SVIL: variants seen among roughly 807,000 people sequenced by gnomAD.
SVIL encodes the protein archvillin.
Under a neutral mutation model 240.4 loss-of-function variants are expected in SVIL, and 101 were observed. The ratio of observed to expected loss-of-function variants is 0.42; its 90% CI spans 0.36 to 0.50. The LOEUF (loss-of-function observed/expected upper bound fraction) is 0.50, where lower values mean the gene tolerates loss of function less well. Among genes scored for constraint, SVIL ranks in the 20% least tolerant of loss-of-function variants. The pLI, the probability that SVIL is intolerant of heterozygous loss-of-function variation, is 0.01. For synonymous variants in SVIL, 999 were observed against 1,100.0 expected, an observed-to-expected ratio of 0.91 and a Z score of 1.82; for missense variants, 2,512 against 2,818.7, an observed-to-expected ratio of 0.89 and a Z score of 2.46.
At chr10:29,620,682 G>A (rs755836522) in intron 1 of SVIL, among the ~76,000 whole-genome samples, 2 of 152,082 alleles carry the variant, frequency 1.3e-5, no homozygotes, top group African/African-American at 2.4e-5. Flanking sequence ...ACAATGGCAC[G>A]ATCTCAGCTC....
At chr10:29,666,133 G>C (rs188898268) in intron 2 of SVIL, among the ~76,000 whole-genome samples, 51 of 152,232 alleles carry the variant, frequency 3.4e-4, no homozygotes, top group African/African-American at 9.6e-4. Flanking sequence ...GCCCAGGCTG[G>C]TCTCAAACTC....
At chr10:29,647,979 A>AC (rs1958716852) in intron 3 of SVIL, among the ~76,000 whole-genome samples, 1 of 151,440 alleles carries the variant, frequency 6.6e-6, no homozygotes, top group African/African-American at 2.4e-5. Flanking sequence ...ATCAAAAAAA[A>AC]AAAAAACAAA....
intron 1 of SVIL, among the ~76,000 whole-genome samples, chr10:29,583,311 T>C (rs1157549411): frequency 6.6e-6 from 1 of 152,154 alleles, no homozygotes; most frequent in Non-Finnish European, 1.5e-5. Context: ...TATTTTTTAT[T>C]TTTTGAGACA....
intron 12 of SVIL, among the ~76,000 whole-genome samples, chr10:29,527,280 G>A (rs997916805): frequency 7.2e-5 from 11 of 152,128 alleles, no homozygotes; most frequent in African/African-American, 2.4e-4. Context: ...GTAAGAATAG[G>A]TGTTCAGAGC....
intron 34 of SVIL, among the ~76,000 whole-genome samples, chr10:29,464,659 G>A (rs1944675839): frequency 6.6e-6 from 1 of 152,136 alleles, no homozygotes; most frequent in African/African-American, 2.4e-5. Context: ...AACCCGCCCT[G>A]AGCCCCAGGA....
intron 1 of SVIL, among the ~76,000 whole-genome samples, chr10:29,709,659 G>A (rs2132664247): frequency 6.6e-6 from 1 of 152,140 alleles, no homozygotes; most frequent in Non-Finnish European, 1.5e-5. Flanking sequence ...GAATACCCAG[G>A]GGCGTCACCC....
intron 3 of SVIL, among the ~76,000 whole-genome samples, chr10:29,648,892 C>G (rs932594287): frequency 6.6e-6 from 1 of 151,742 alleles, no homozygotes; most frequent in African/African-American, 2.4e-5. Flanking sequence ...ATTCCAAGCA[C>G]TTTAGGAGGC....
Position 29,484,814 on chromosome 10 carries a change from A to G in SVIL, c.4797T>C (p.Phe1599=). ...LQPKEVLVFD[F]GSEVYVWHGK... The stretch of plus-strand genomic sequence containing the variant: ...CATGCCATACGTAAACTTCACTACC[A>G]AAATCAAACACCAGTACCTGGGAGA... The change falls in exon 27 of 38, where the codon TTT becomes TTC. Residue 1599 remains phenylalanine, a synonymous_variant. Coordinates refer to ENST00000355867, the MANE Select transcript of SVIL (RefSeq NM_021738.3). The surrounding 1 kb of genome is among the most constrained non-coding windows in gnomAD (Gnocchi z 4.7). 6.2e-7 allele frequency: 1 copy of G among 1,610,552 alleles called. No homozygotes were observed. Among genetic ancestry groups the G allele is most frequent in the East Asian group, 2.2e-5 (1 of 44,786 alleles).
intron 1 of SVIL, among the ~76,000 whole-genome samples, chr10:29,626,854 C>A (rs1480123907): frequency 2.0e-5 from 3 of 151,948 alleles, no homozygotes; most frequent in African/African-American, 7.3e-5. Flanking sequence ...GAAACCCCGT[C>A]TCTACTAAAA....
At chr10:29,518,211 A>G (rs1469869557) in intron 16 of SVIL, among the ~76,000 whole-genome samples, 1 of 152,164 alleles carries the variant, frequency 6.6e-6, no homozygotes, top group Non-Finnish European at 1.5e-5. Flanking sequence ...AATATGGTGA[A>G]ACCTTGTCTC....
chr10:29,578,444 A>G (rs964469186), intron 1 of SVIL, among the ~76,000 whole-genome samples: 1 of 152,200 alleles, frequency 6.6e-6, no homozygotes, highest in African/African-American at 2.4e-5. Context: ...CTTCCAGCAG[A>G]TGCATTTTCT....
rs749359165 is a variant in SVIL at position 29,486,465 on chromosome 10, G to A, written c.4578C>T (p.His1526=). ...TCCAGAAGTCTTTGGCTGCATGAGTGTGTGTATTAATTCCTTCTTCAATGG... is the reference window on the plus strand; with the variant it reads ...TCCAGAAGTCTTTGGCTGCATGAGTATGTGTATTAATTCCTTCTTCAATGG... The part of the protein sequence containing the change: ...IQTIEEGINT[H]THAAKDFWKL... The change falls in exon 25 of 38, where the codon CAC becomes CAT. Residue 1526 remains histidine (H), a synonymous_variant. Transcript: ENST00000355867. 24 of 1,614,088 alleles carry A rather than the reference G, an allele frequency of 1.5e-5. No individual in the cohort carries two copies. The highest frequency in any genetic ancestry group is 2.0e-5 in the Non-Finnish European group (24 of 1,180,042).
intron 1 of SVIL, among the ~76,000 whole-genome samples, chr10:29,708,595 T>C (rs1482056811): frequency 6.6e-6 from 1 of 152,130 alleles, no homozygotes; most frequent in Non-Finnish European, 1.5e-5. Context: ...CACTCCAGCC[T>C]GGGCAACTCC....
intron 1 of SVIL, among the ~76,000 whole-genome samples, chr10:29,730,627 G>A (rs10826685): frequency 0.17 from 26,028 of 152,210 alleles, 2,562 homozygotes; most frequent in Non-Finnish European, 0.22. Context: ...ACATGAATGT[G>A]TAAATGGAGG....
chr10:29,528,922 A>T (rs1311899724), intron 12 of SVIL, among the ~76,000 whole-genome samples: 6 of 152,152 alleles, frequency 3.9e-5, no homozygotes, highest in Non-Finnish European at 8.8e-5. Flanking sequence ...TCTGGCAATT[A>T]ATCCCAGCAC....
intron 34 of SVIL, among the ~76,000 whole-genome samples, 162 bp from the exon 35 acceptor site, chr10:29,463,797 C>G (rs1204130279): frequency 6.6e-6 from 1 of 152,214 alleles, no homozygotes; most frequent in Non-Finnish European, 1.5e-5. Flanking sequence ...AACAGAGAAA[C>G]CCAGGATACC....
At chr10:29,579,889 G>T (rs560812770) in intron 1 of SVIL, among the ~76,000 whole-genome samples, 13 of 152,054 alleles carry the variant, frequency 8.5e-5, no homozygotes, top group Admixed American at 6.6e-4. Context: ...ATCACTGGGG[G>T]GCGGATGCAA....
chr10:29,632,115 C>G (rs1271822559), intron 1 of SVIL, among the ~76,000 whole-genome samples: 1 of 152,206 alleles, frequency 6.6e-6, no homozygotes, highest in Non-Finnish European at 1.5e-5. Context: ...GCCCGAGAGC[C>G]CTGCATGCTG....
At chr10:29,732,124 C>G (rs928463375) in intron 1 of SVIL, among the ~76,000 whole-genome samples, 2 of 152,162 alleles carry the variant, frequency 1.3e-5, no homozygotes, top group African/African-American at 4.8e-5. Context: ...TGGTTATGCA[C>G]GCAGCTCATT....
Sources: allele counts gnomAD v4.1 joint callset (sites outside exome capture counted in the v4.1 genomes callset), GRCh38; gene constraint gnomAD v4.1.1; non-coding constraint Gnocchi (gnomAD v3.1); transcripts MANE v1.5; gene names NCBI Gene and HGNC (gene_info 2026-07-23, HGNC 2026-07-21).